Variants in GLB1L3 observed in about 807,000 individuals in gnomAD.
The protein encoded by GLB1L3 is galactosidase beta 1 like 3, also known as beta-galactosidase-1-like protein 3.
Under a neutral mutation model 89.5 loss-of-function variants are expected in GLB1L3, and 89 were observed. That is an observed-to-expected ratio of 0.99 (90% CI 0.84 to 1.19). The LOEUF is 1.19. Among genes scored for constraint, GLB1L3 ranks in the 50% most tolerant of loss-of-function variants. The pLI is 0.00. For synonymous variants in GLB1L3, 314 were observed against 312.3 expected, an observed-to-expected ratio of 1.01 and a Z score of -0.06; for missense variants, 812 against 813.3, an observed-to-expected ratio of 1.00 and a Z score of 0.02.
chr11:134,319,726 G>A (rs931755009), downstream of GLB1L3, among the ~76,000 whole-genome samples: 3 of 129,418 alleles, frequency 2.3e-5, no homozygotes, highest in Non-Finnish European at 5.2e-5. Context: ...CTCTGTGTAT[G>A]TGTGTGTGTG....
chr11:134,305,252 C>T, intron 9 of GLB1L3: 1 of 733,060 alleles, frequency 1.4e-6, no homozygotes, highest in Non-Finnish European at 2.5e-6. Flanking sequence ...AAAGTGCATT[C>T]CCTTCACCAG....
chr11:134,278,173 G>A (rs1390541577), intron 3 of GLB1L3, among the ~76,000 whole-genome samples: 1 of 152,148 alleles, frequency 6.6e-6, no homozygotes, highest in East Asian at 1.9e-4. Flanking sequence ...TCTGTCTAAT[G>A]AAGGAACACC....
At position 134,312,503 on chromosome 11, in the gene GLB1L3, G is replaced by A; in HGVS notation, c.1428+14G>A. ...GACGTGGCACAGGTAGGGCCAGCAG[G>A]CTGTCTGTGTGGGAAGCAAAGTGCA... On this transcript the variant is annotated intron_variant, in intron 14 of 19. Transcript: ENST00000431683. The A allele has an allele frequency of 6.2e-7, 1 of 1,609,114 alleles. No homozygotes were observed. Among genetic ancestry groups the A allele is most frequent in the Non-Finnish European group, 8.5e-7 (1 of 1,179,604 alleles).
intron 10 of GLB1L3, among the ~76,000 whole-genome samples, chr11:134,308,365 C>CCAT (rs1942411719): frequency 3.3e-5 from 2 of 60,646 alleles, no homozygotes; most frequent in Non-Finnish European, 3.3e-5. Flanking sequence ...ACTACCACCA[C>CCAT]CACCACCACC....
At position 134,313,937 on chromosome 11, in the gene GLB1L3, G is replaced by T. The variant is rs765748661; in HGVS notation, c.1580-4G>T. The T allele has an allele frequency of 1.9e-5, 30 of 1,596,976 alleles. No individual in the cohort carries two copies. The highest frequency in any genetic ancestry group is 2.5e-5 in the Non-Finnish European group (29 of 1,165,450). Reference sequence around the variant, plus strand: ...TCTTTCCTGCCTCCCATCTGCATCTGCAGGAATAACTGGATCTGTCAGCAT... The same window carrying T: ...TCTTTCCTGCCTCCCATCTGCATCTTCAGGAATAACTGGATCTGTCAGCAT... On this transcript the variant is annotated splice_polypyrimidine_tract_variant and splice_region_variant and intron_variant, in intron 16 of 19. Coordinates refer to ENST00000431683, the MANE Select transcript of GLB1L3 (RefSeq NM_001080407.3).
chr11:134,321,199 G>A (rs929572938), downstream of GLB1L3, among the ~76,000 whole-genome samples: 5 of 152,168 alleles, frequency 3.3e-5, no homozygotes, highest in Non-Finnish European at 5.9e-5. Context: ...CGAGAGGGAT[G>A]TGATGGCCAA....
Position 134,281,400 on chromosome 11 carries a change from A to C in GLB1L3, c.386A>C (p.Glu129Ala), listed in dbSNP as rs200946052. Reference sequence around the variant, plus strand: ...AGCTATGTTCCGTGGAACCTGCATGAGCCAGAAAGAGGCAAATTTGACTTC... The same window carrying C: ...AGCTATGTTCCGTGGAACCTGCATGCGCCAGAAAGAGGCAAATTTGACTTC... ...VTTYVPWNLH[E>A]PERGKFDFSG... The change falls in exon 4 of 20, where the codon GAG becomes GCG. Residue 129 changes from glutamate (E) to alanine (A), a missense_variant. Physicochemically the swap from Glu to Ala is moderately radical, Grantham distance 107. Coordinates refer to ENST00000431683, the MANE Select transcript of GLB1L3 (RefSeq NM_001080407.3). 20 of 1,614,016 alleles carry C rather than the reference A, an allele frequency of 1.2e-5. No individual in the cohort carries two copies. The highest frequency in any genetic ancestry group is 1.5e-5 in the Non-Finnish European group (18 of 1,180,022).
upstream of GLB1L3, chr11:134,276,129 G>A (rs1940359253): frequency 6.6e-6 from 1 of 152,490 alleles, no homozygotes; most frequent in Admixed American, 6.5e-5. Flanking sequence ...CATCTGCTGT[G>A]AGGCTGTGCT....
At chr11:134,283,655 C>T (rs1431145472) in intron 5 of GLB1L3, 82 bp from the exon 6 acceptor site, 15 of 721,760 alleles carry the variant, frequency 2.1e-5, no homozygotes, top group African/African-American at 8.8e-5. Flanking sequence ...AGATGTGCGG[C>T]GAGCCGGGGC....
At chr11:134,292,520 G>C (rs1941410470) in intron 8 of GLB1L3, 3 of 250,256 alleles carry the variant, frequency 1.2e-5, no homozygotes, top group Non-Finnish European at 2.3e-5. Context: ...CATTGGTGCT[G>C]CGCCTGGCTT....
chr11:134,279,665 C>T (rs1463869599), intron 3 of GLB1L3, among the ~76,000 whole-genome samples: 1 of 152,194 alleles, frequency 6.6e-6, no homozygotes, highest in African/African-American at 2.4e-5. Flanking sequence ...CTCGCCCAGC[C>T]TTCTTTCTTC....
chr11:134,290,167 G>A (rs565405725), intron 7 of GLB1L3, among the ~76,000 whole-genome samples: 1 of 152,190 alleles, frequency 6.6e-6, no homozygotes, highest in South Asian at 2.1e-4. Context: ...CATCGGTTGT[G>A]TTCAGCCAGC....
chr11:134,277,602 CAA>C, intron 2 of GLB1L3, 96 bp from the exon 3 acceptor site: 14 of 1,527,312 alleles, frequency 9.2e-6, no homozygotes, highest in Non-Finnish European at 1.3e-5. Flanking sequence ...GTCCTACTAA[CAA>C]AAACTTCTTT....
intron 11 of GLB1L3, 72 bp from the exon 12 acceptor site, chr11:134,310,499 C>G: frequency 1.7e-6 from 2 of 1,193,254 alleles, no homozygotes; most frequent in Non-Finnish European, 2.4e-6. Context: ...CTGGCCATCT[C>G]CTGCCAGCGG....
chr11:134,310,208 G>A lies in GLB1L3; in HGVS notation c.1100-363G>A, dbSNP rs549827343. Reference sequence around the variant, plus strand: ...ATGAAATACACTAACACTAATGATAGCTGATGAGCTTAAAAAAAAAACACA... The same window carrying A: ...ATGAAATACACTAACACTAATGATAACTGATGAGCTTAAAAAAAAAACACA... On this transcript the variant is annotated intron_variant, in intron 11 of 19. Coordinates refer to ENST00000431683, the MANE Select transcript of GLB1L3 (RefSeq NM_001080407.3). The A allele has an allele frequency of 1.9e-5, 7 of 360,396 alleles. No individual in the cohort carries two copies. In the East Asian group the frequency reaches 3.6e-4, roughly 19 times the overall value. The allele number at this position is 360,396 out of a possible 1,614,324, so 22.3% of individuals were successfully genotyped here.
intron 6 of GLB1L3, 95 bp from the exon 7 acceptor site, chr11:134,288,703 G>A (rs1007665931): frequency 2.5e-6 from 2 of 803,720 alleles, no homozygotes. Context: ...AGAGCCTGCC[G>A]CACCAGCTGT....
At chr11:134,293,693 C>T (rs1278168891) in intron 9 of GLB1L3, among the ~76,000 whole-genome samples, 1 of 151,846 alleles carries the variant, frequency 6.6e-6, no homozygotes, top group Non-Finnish European at 1.5e-5. Context: ...GGACAAGCCA[C>T]AGCCCAGCCT....
rs138531630 is a variant in GLB1L3 at position 134,279,199 on chromosome 11, C to T, written c.362+1287C>T. On this transcript the variant is annotated intron_variant, in intron 3 of 19. Transcript: ENST00000431683. ...ACCCTGAAAGTTTCTTAAGATTCAC[C>T]TGTAAACTCTGTGACTACTATCTTT... 1.8e-4 allele frequency among the ~76,000 whole-genome samples: 28 copies of T among 152,242 alleles called. No homozygotes were observed. The East Asian group carries it at 2.9e-3, about 16-fold the overall frequency.
chr11:134,310,229 A>C lies in GLB1L3; in HGVS notation c.1100-342A>C, dbSNP rs938710891. ...GATAGCTGATGAGCTTAAAAAAAAA[A>C]CACAAAATGTTTTAAGAAAGTTTAT... On this transcript the variant is annotated intron_variant, in intron 11 of 19. Transcript: ENST00000431683. 47 of 371,766 alleles carry C rather than the reference A, an allele frequency of 1.3e-4. 1 individual carries two copies. The South Asian group carries it at 1.8e-3, about 14-fold the overall frequency. 23.0% of individuals were successfully genotyped at this position (371,766 alleles called of 1,614,324 possible). A position where few individuals can be genotyped will look rare whatever the true frequency, so the allele number is the denominator to read the frequency against.
Sources: gnomAD v4.1 joint callset for allele counts (sites outside exome capture counted in the v4.1 genomes callset) on GRCh38, gnomAD v4.1.1 for gene constraint, MANE v1.5 for transcripts, NCBI Gene and HGNC (gene_info 2026-07-23, HGNC 2026-07-21) for gene names.